The following ADAM2 variants were observed in gnomAD, a reference collection of about 807,000 sequenced individuals.
ADAM2 encodes disintegrin and metalloproteinase domain-containing protein 2.
A neutral mutation model predicts 99.3 loss-of-function variants in ADAM2; 101 were observed. The ratio of observed to expected loss-of-function variants is 1.02; its 90% CI spans 0.87 to 1.20. The LOEUF (loss-of-function observed/expected upper bound fraction) is 1.20. ADAM2 is among the 50% of genes most tolerant of loss of function. The pLI, the probability that ADAM2 is intolerant of heterozygous loss-of-function variation, is 0.00. For synonymous variants in ADAM2, 323 were observed against 287.6 expected (o/e 1.12, Z -1.25); for missense variants, 948 against 878.7 (o/e 1.08, Z -1.00).
At chr8:39,804,285 GA>G (rs1804342741) in intron 7 of ADAM2, among the ~76,000 whole-genome samples, 1 of 152,172 alleles carries the variant, frequency 6.6e-6, no homozygotes, top group South Asian at 2.1e-4. Flanking sequence ...TTTTTCCAGA[GA>G]GGCAACTAAA....
chr8:39,764,619 T>G (rs1487398898), intron 14 of ADAM2, among the ~76,000 whole-genome samples: 2 of 152,172 alleles, frequency 1.3e-5, no homozygotes, highest in African/African-American at 4.8e-5. Context: ...GACCTCACAA[T>G]AAAGCTTTCT....
intron 16 of ADAM2, among the ~76,000 whole-genome samples, chr8:39,753,614 C>T (rs1802036839): frequency 1.3e-5 from 2 of 152,182 alleles, no homozygotes; most frequent in Admixed American, 6.5e-5. Flanking sequence ...GTTTCCTGGG[C>T]AGGGCCCAGG....
chr8:39,762,163 A>T (rs894567557), intron 14 of ADAM2, among the ~76,000 whole-genome samples: 2 of 152,228 alleles, frequency 1.3e-5, no homozygotes, highest in African/African-American at 4.8e-5. Context: ...TACTTGATGG[A>T]CTCGGTCAAA....
chr8:39,811,116 A>G (rs1310572037), intron 6 of ADAM2, among the ~76,000 whole-genome samples: 4 of 152,230 alleles, frequency 2.6e-5, no homozygotes, highest in Admixed American at 2.6e-4. Flanking sequence ...ATCACCACCA[A>G]TCCCACAGAA....
At chr8:39,803,829 GAGA>G (rs1431129348) in intron 7 of ADAM2, among the ~76,000 whole-genome samples, 1 of 152,216 alleles carries the variant, frequency 6.6e-6, no homozygotes, top group East Asian at 1.9e-4. Flanking sequence ...GTTAGCTGGA[GAGA>G]AGGACGATTA....
chr8:39,795,703 C>T (rs1366643266), intron 7 of ADAM2, among the ~76,000 whole-genome samples: 1 of 152,108 alleles, frequency 6.6e-6, no homozygotes, highest in Non-Finnish European at 1.5e-5. Flanking sequence ...CCTCCTAAGA[C>T]TGTGTTAAGG....
chr8:39,805,120 G>T (rs1301526517), intron 7 of ADAM2, among the ~76,000 whole-genome samples: 7 of 152,132 alleles, frequency 4.6e-5, no homozygotes, highest in Non-Finnish European at 1.0e-4. Context: ...ACTGAAAGGG[G>T]CAAACAAACC....
chr8:39,755,353 G>GA (rs1187088289), intron 16 of ADAM2, among the ~76,000 whole-genome samples: 6 of 152,104 alleles, frequency 3.9e-5, no homozygotes, highest in Non-Finnish European at 5.9e-5. Context: ...TAAATTCTGA[G>GA]AAAAAATACT....
chr8:39,760,346 G>A lies in ADAM2; in HGVS notation c.1613+830C>T, dbSNP rs1257629769. ...TACATATTAAAAAAAACTGAAATAC[G>A]TGCCTGAGGTCACACAAATAGGTAA... On this transcript the variant is annotated intron_variant, in intron 15 of 20. Coordinates refer to ENST00000265708, the MANE Select transcript of ADAM2 (RefSeq NM_001464.5). Among the ~76,000 whole-genome samples the A allele has an allele frequency of 3.3e-5, 5 of 152,138 alleles. No individual in the cohort carries two copies. In the East Asian group the frequency reaches 9.6e-4, roughly 29 times the overall value.
intron 6 of ADAM2, among the ~76,000 whole-genome samples, chr8:39,812,541 G>T (rs1231925751): frequency 2.6e-5 from 4 of 152,186 alleles, no homozygotes; most frequent in Non-Finnish European, 5.9e-5. Flanking sequence ...CAAGGCCACA[G>T]TAACCAAAAC....
intron 11 of ADAM2, chr8:39,774,740 A>G (rs1388345249): frequency 6.6e-6 from 1 of 152,100 alleles, no homozygotes; most frequent in African/African-American, 2.4e-5. Context: ...TATATTTGTG[A>G]TTTTCTTATC....
At chr8:39,768,263 G>C (rs1028686485) in intron 12 of ADAM2, among the ~76,000 whole-genome samples, 3 of 152,038 alleles carry the variant, frequency 2.0e-5, no homozygotes, top group African/African-American at 4.8e-5. Flanking sequence ...TGGGTGACGA[G>C]GAACAATTTT....
chr8:39,837,111 G>T, intron 2 of ADAM2, 25 bp downstream of exon 2: 2 of 1,527,790 alleles, frequency 1.3e-6, no homozygotes, highest in Non-Finnish European at 1.8e-6. Flanking sequence ...TTTTAAATTT[G>T]TAAATACTGT....
rs1802557694 is a variant in ADAM2 at position 39,766,099 on chromosome 8, A to G, written c.1507+749T>C. ...ATAACTTCAGAGTCCCTGGATTTTCATGAAATTTCCTTATTGTTTCCACAG... is the reference window on the plus strand; with the variant it reads ...ATAACTTCAGAGTCCCTGGATTTTCGTGAAATTTCCTTATTGTTTCCACAG... On this transcript the variant is annotated intron_variant, in intron 14 of 20. Coordinates refer to ENST00000265708, the MANE Select transcript of ADAM2 (RefSeq NM_001464.5). 2.0e-5 allele frequency among the ~76,000 whole-genome samples: 3 copies of G among 152,144 alleles called. No homozygotes were observed. In the South Asian group the frequency reaches 6.2e-4, roughly 31 times the overall value.
intron 6 of ADAM2, among the ~76,000 whole-genome samples, chr8:39,810,001 G>C (rs962701753): frequency 1.3e-5 from 2 of 152,112 alleles, no homozygotes; most frequent in Non-Finnish European, 2.9e-5. Context: ...ATTGGATAAA[G>C]AGTCAAGACC....
At chr8:39,831,871 C>T (rs2129589219) in intron 3 of ADAM2, among the ~76,000 whole-genome samples, 1 of 152,150 alleles carries the variant, frequency 6.6e-6, no homozygotes, top group Non-Finnish European at 1.5e-5. Flanking sequence ...TTTAAATATA[C>T]ATTTAAAAGC....
intron 7 of ADAM2, among the ~76,000 whole-genome samples, chr8:39,808,767 T>A (rs752842303): frequency 1.3e-5 from 2 of 151,964 alleles, no homozygotes; most frequent in Non-Finnish European, 2.9e-5. Flanking sequence ...AATACAAAAA[T>A]TAGCTGGGCA....
intron 19 of ADAM2, among the ~76,000 whole-genome samples, 199 bp downstream of exon 19, chr8:39,746,273 C>T (rs1019393926): frequency 3.3e-5 from 5 of 152,106 alleles, no homozygotes; most frequent in African/African-American, 7.2e-5. Context: ...GTGATCCACT[C>T]GCCTTGGCCT....
chr8:39,780,481 G>A (rs918543657), intron 10 of ADAM2, among the ~76,000 whole-genome samples: 3 of 152,112 alleles, frequency 2.0e-5, no homozygotes, highest in African/African-American at 7.2e-5. Context: ...CCACCAGAGA[G>A]AAATTATTTG....
Sources: gnomAD v4.1 joint callset for allele counts (sites outside exome capture counted in the v4.1 genomes callset) on GRCh38, gnomAD v4.1.1 for gene constraint, MANE v1.5 for transcripts, NCBI Gene and HGNC (gene_info 2026-07-23, HGNC 2026-07-21) for gene names.